The following ASTN1 variants were observed in gnomAD, a reference collection of about 807,000 sequenced individuals.
The protein encoded by ASTN1 is astrotactin 1, also known as astrotactin-1.
Under a neutral mutation model 140.7 loss-of-function variants are expected in ASTN1, and 41 were observed. The ratio of observed to expected loss-of-function variants is 0.29; its 90% CI spans 0.23 to 0.38. ASTN1 has a LOEUF of 0.38. Among genes scored for constraint, ASTN1 ranks in the 10% least tolerant of loss-of-function variants. The probability of loss-of-function intolerance (pLI) is 1.00; values close to 1 mark genes in which losing one functional copy is unlikely to be tolerated. For synonymous variants in ASTN1, 640 were observed against 652.2 expected (o/e 0.98, Z 0.29); for missense variants, 1,479 against 1,678.8 (o/e 0.88, Z 2.08).
At chr1:176,887,972 T>A in intron 18 of ASTN1, 99 bp downstream of exon 18, 1 of 1,515,868 alleles carries the variant, frequency 6.6e-7, no homozygotes, top group South Asian at 1.2e-5. Context: ...TGTGTCATAT[T>A]TTTCTTTGTT....
At chr1:176,911,820 TTATTATCAGG>T (rs1188416257) in intron 16 of ASTN1, among the ~76,000 whole-genome samples, 2 of 152,232 alleles carry the variant, frequency 1.3e-5, no homozygotes, top group African/African-American at 2.4e-5. Context: ...TAACTGCCAT[TTATTATCAGG>T]TATTACGTAC....
intron 1 of ASTN1, among the ~76,000 whole-genome samples, chr1:177,081,874 AAAG>A (rs1368573687): frequency 6.6e-6 from 1 of 152,198 alleles, no homozygotes; most frequent in Non-Finnish European, 1.5e-5. Flanking sequence ...TTGCTCTTGG[AAAG>A]AAGAATGGAA....
intron 11 of ASTN1, among the ~76,000 whole-genome samples, chr1:176,950,797 G>T (rs142840905): frequency 6.6e-6 from 1 of 151,858 alleles, no homozygotes; most frequent in African/African-American, 2.4e-5. Flanking sequence ...TATACATATC[G>T]CCAACAAGTT....
chr1:176,863,117 C>T lies in ASTN1; in HGVS notation c.*1167G>A. Reference sequence around the variant, plus strand: ...GAAACAACACTCTAGATGTTAACTGCAATCAGTGGTGCTTCCCTACACAGA... The same window carrying T: ...GAAACAACACTCTAGATGTTAACTGTAATCAGTGGTGCTTCCCTACACAGA... On this transcript the variant is annotated 3_prime_UTR_variant, in exon 23 of 23. Transcript: ENST00000361833. 1 of 985,812 alleles carries T rather than the reference C, an allele frequency of 1.0e-6. No individual in the cohort carries two copies. Among genetic ancestry groups the T allele is most frequent in the Non-Finnish European group, 1.2e-6 (1 of 829,932 alleles). 61.1% of individuals were successfully genotyped at this position (985,812 alleles called of 1,614,324 possible).
chr1:176,878,145 G>T (rs1039330638), intron 20 of ASTN1, among the ~76,000 whole-genome samples: 4 of 152,106 alleles, frequency 2.6e-5, no homozygotes, highest in African/African-American at 9.7e-5. Context: ...TGGTCTGCTG[G>T]GACTCAGAAT....
chr1:177,090,991 C>T (rs917143112), intron 1 of ASTN1, among the ~76,000 whole-genome samples: 1 of 152,020 alleles, frequency 6.6e-6, no homozygotes, highest in African/African-American at 2.4e-5. Flanking sequence ...GGGTAACATG[C>T]ATATGTGAGT....
chr1:177,134,271 T>C (rs953891935), intron 1 of ASTN1, among the ~76,000 whole-genome samples: 2 of 152,200 alleles, frequency 1.3e-5, no homozygotes, highest in Non-Finnish European at 2.9e-5. Flanking sequence ...AAATGCAGGC[T>C]CCCGAAAGCA....
chr1:177,064,509 C>T (rs1335498921), intron 1 of ASTN1, among the ~76,000 whole-genome samples: 2 of 152,142 alleles, frequency 1.3e-5, no homozygotes, highest in African/African-American at 4.8e-5. Flanking sequence ...ATGGTAGCAC[C>T]AATGGAAGAA....
chr1:177,061,038 T>A (rs1156276568), intron 2 of ASTN1, 40 bp downstream of exon 2: 1 of 1,465,626 alleles, frequency 6.8e-7, no homozygotes, highest in Non-Finnish European at 9.1e-7. Flanking sequence ...CAAGGTAACA[T>A]AAGCTATGGC....
chr1:176,985,732 C>T (rs1673859960), intron 8 of ASTN1, among the ~76,000 whole-genome samples: 1 of 152,044 alleles, frequency 6.6e-6, no homozygotes, highest in Non-Finnish European at 1.5e-5. Flanking sequence ...CCATCCTGTC[C>T]TTCTGAGGTA....
intron 16 of ASTN1, among the ~76,000 whole-genome samples, chr1:176,924,452 T>C (rs1224202641): frequency 1.3e-5 from 2 of 152,226 alleles, no homozygotes; most frequent in Admixed American, 1.3e-4. Flanking sequence ...AGTCAACCTC[T>C]GGTACATCAA....
At chr1:177,053,231 C>A (rs563164114) in intron 2 of ASTN1, among the ~76,000 whole-genome samples, 5 of 152,284 alleles carry the variant, frequency 3.3e-5, no homozygotes, top group African/African-American at 1.2e-4. Context: ...TTGCTAGCTT[C>A]TATATCAAGT....
At chr1:177,124,460 C>T (rs964682088) in intron 1 of ASTN1, among the ~76,000 whole-genome samples, 6 of 152,104 alleles carry the variant, frequency 3.9e-5, no homozygotes, top group African/African-American at 1.4e-4. Flanking sequence ...ATAAAGAAGG[C>T]CTATATGAGA....
intron 16 of ASTN1, among the ~76,000 whole-genome samples, chr1:176,898,477 C>T (rs776758133): frequency 2.1e-4 from 32 of 152,106 alleles, no homozygotes; most frequent in Admixed American, 1.9e-3. Context: ...AATGCATTTC[C>T]TATGTTCAGT....
intron 2 of ASTN1, among the ~76,000 whole-genome samples, chr1:177,034,701 T>A (rs1676626466): frequency 1.3e-5 from 2 of 152,172 alleles, no homozygotes; most frequent in Admixed American, 1.3e-4. Flanking sequence ...ACATTTTTTT[T>A]TAGCAGAACC....
At chr1:176,958,056 A>AT (rs1672492538) in intron 10 of ASTN1, among the ~76,000 whole-genome samples, 1 of 152,168 alleles carries the variant, frequency 6.6e-6, no homozygotes. Context: ...AGAGGTCTAA[A>AT]CTCAGGCAAG....
In ASTN1 at chr1:177,036,013, C is replaced by T. The variant is rs567642016; in HGVS notation, c.472-3164G>A. ...CTTCCTCTGCTTAGAGTCAGTGACTCTGGATGGGATGACCTCAGCTTTCTT... is the reference window on the plus strand; with the variant it reads ...CTTCCTCTGCTTAGAGTCAGTGACTTTGGATGGGATGACCTCAGCTTTCTT... On this transcript the variant is annotated intron_variant, in intron 2 of 22. Coordinates refer to ENST00000361833, the MANE Select transcript of ASTN1 (RefSeq NM_004319.3). 2.1e-5 allele frequency among the ~76,000 whole-genome samples: 3 copies of T among 144,280 alleles called. No homozygotes were observed. The South Asian group carries it at 6.6e-4, about 32-fold the overall frequency. The allele number at this position is 144,280 out of a possible 152,430, so 94.7% of individuals were successfully genotyped here.
At chr1:176,902,243 T>C (rs1373641887) in intron 16 of ASTN1, among the ~76,000 whole-genome samples, 1 of 152,244 alleles carries the variant, frequency 6.6e-6, no homozygotes, top group Non-Finnish European at 1.5e-5. Flanking sequence ...GTTTTTCTTT[T>C]CTAAAAATGC....
At chr1:176,870,409 G>T (rs1414075182) in intron 21 of ASTN1, among the ~76,000 whole-genome samples, 1 of 152,134 alleles carries the variant, frequency 6.6e-6, no homozygotes, top group African/African-American at 2.4e-5. Context: ...TTCCAGAGTT[G>T]GAATGAATAA....
Sources: allele counts gnomAD v4.1 joint callset (sites outside exome capture counted in the v4.1 genomes callset), GRCh38; gene constraint gnomAD v4.1.1; transcripts MANE v1.5; gene names NCBI Gene and HGNC (gene_info 2026-07-23, HGNC 2026-07-21).